Variants in SLC36A2 observed in about 807,000 individuals in gnomAD.
SLC36A2 encodes solute carrier family 36 member 2.
A neutral mutation model predicts 42.7 loss-of-function variants in SLC36A2; 39 were observed. The observed-to-expected ratio is 0.91, with a 90% CI of 0.71 to 1.19. The LOEUF (loss-of-function observed/expected upper bound fraction) is 1.19. Ranked by LOEUF, SLC36A2 falls within the 50% of genes most tolerant of loss-of-function variation. The probability of loss-of-function intolerance (pLI) is 0.00; values close to 1 mark genes in which losing one functional copy is unlikely to be tolerated. For synonymous variants in SLC36A2, 237 were observed against 240.8 expected (o/e 0.98, Z 0.15); for missense variants, 590 against 613.7 (o/e 0.96, Z 0.41).
intron 7 of SLC36A2, among the ~76,000 whole-genome samples, chr5:151,331,496 T>C (rs1755995091): frequency 6.6e-6 from 1 of 151,706 alleles, no homozygotes. Context: ...AAAAATTTTT[T>C]TTTGCAGAGA....
At position 151,323,386 on chromosome 5, in the gene SLC36A2, C is replaced by T. The variant is rs189527579; in HGVS notation, c.1011-1171G>A. Among the ~76,000 whole-genome samples, 29 of 152,294 alleles carry T rather than the reference C, an allele frequency of 1.9e-4. No individual in the cohort carries two copies. The East Asian group carries it at 5.6e-3, about 29-fold the overall frequency. ...TCCTGCTGCCTGGGCACCCTCTTTACTCCATTTCCATCTGTTCAAACCCCT... is the reference window on the plus strand; with the variant it reads ...TCCTGCTGCCTGGGCACCCTCTTTATTCCATTTCCATCTGTTCAAACCCCT... On this transcript the variant is annotated intron_variant, in intron 8 of 9. Transcript: ENST00000335244.
At chr5:151,347,170 C>G in intron 1 of SLC36A2, 127 bp downstream of exon 1, 1 of 1,188,036 alleles carries the variant, frequency 8.4e-7, no homozygotes, top group Non-Finnish European at 1.2e-6. Context: ...CATGACTGCA[C>G]CTTTTGCAAC....
intron 6 of SLC36A2, among the ~76,000 whole-genome samples, chr5:151,334,292 CTT>C (rs893125965): frequency 6.6e-6 from 1 of 152,154 alleles, no homozygotes; most frequent in African/African-American, 2.4e-5. Context: ...GACAATGTAA[CTT>C]TTTTTCTCTT....
chr5:151,335,576 G>A (rs1195189023), intron 5 of SLC36A2, 29 bp from the exon 6 acceptor site: 1 of 1,495,826 alleles, frequency 6.7e-7, no homozygotes, highest in African/African-American at 1.4e-5. Flanking sequence ...AGGCAAAAGG[G>A]GGAGATGATG....
chr5:151,320,943 A>G (rs141824587), intron 9 of SLC36A2, among the ~76,000 whole-genome samples: 1 of 152,148 alleles, frequency 6.6e-6, no homozygotes, highest in Non-Finnish European at 1.5e-5. Flanking sequence ...CTTGAATTCA[A>G]ATCCTACCTC....
In SLC36A2 at chr5:151,333,586, C is replaced by T. The variant is rs538507164; in HGVS notation, c.745-264G>A. Among the ~76,000 whole-genome samples, 24 of 152,216 alleles carry T rather than the reference C, an allele frequency of 1.6e-4. No homozygotes were observed. The South Asian group carries it at 3.5e-3, about 22-fold the overall frequency. On this transcript the variant is annotated intron_variant, in intron 6 of 9. Coordinates refer to ENST00000335244, the MANE Select transcript of SLC36A2 (RefSeq NM_181776.3). Reference sequence around the variant, plus strand: ...GTTTATGAAAAACCTCCAAAAGGGCCGGGTGCAGTGGCTTAACCTGTAATC... The same window carrying T: ...GTTTATGAAAAACCTCCAAAAGGGCTGGGTGCAGTGGCTTAACCTGTAATC...
At chr5:151,333,569 A>G (rs964063454) in intron 6 of SLC36A2, among the ~76,000 whole-genome samples, 8 of 152,184 alleles carry the variant, frequency 5.3e-5, no homozygotes, top group Non-Finnish European at 8.8e-5. Context: ...TGGTTTATGA[A>G]AAACCTCCAA....
chr5:151,344,243 C>A lies in SLC36A2; in HGVS notation c.189G>T (p.Leu63=). Residue 63 remains leucine, a synonymous_variant, in exon 2 of 10, where the codon CTG becomes CTT. Transcript: ENST00000335244. ...TCCCTGTGCCCATGTTGCCTTTCAC[C>A]AGGTGAATCAAGGCCTGGAACACTC... is the stretch of plus-strand genomic sequence containing the variant. ...GITVFQALIH[L]VKGNMGTGIL... The A allele has an allele frequency of 6.2e-7, 1 of 1,614,042 alleles. No individual in the cohort carries two copies. Among genetic ancestry groups the A allele is most frequent in the African/African-American group, 1.3e-5 (1 of 75,034 alleles).
At chr5:151,343,358 C>G (rs1580865880) in intron 3 of SLC36A2, 152 bp downstream of exon 3, 1 of 805,070 alleles carries the variant, frequency 1.2e-6, no homozygotes. Flanking sequence ...AAGAGCCTCA[C>G]CTGAGCTCCC....
chr5:151,344,755 A>G (rs186394841), intron 1 of SLC36A2, among the ~76,000 whole-genome samples: 5 of 152,322 alleles, frequency 3.3e-5, no homozygotes, highest in African/African-American at 9.6e-5. Flanking sequence ...AAACAACCCC[A>G]TATCATAACT....
chr5:151,327,053 G>A (rs1175985802), intron 7 of SLC36A2, among the ~76,000 whole-genome samples: 2 of 152,028 alleles, frequency 1.3e-5, no homozygotes, highest in Non-Finnish European at 1.5e-5. Flanking sequence ...GGGCTCAAGC[G>A]ATCCTCCCAC....
At chr5:151,337,601 A>G (rs1756196951) in intron 5 of SLC36A2, among the ~76,000 whole-genome samples, 1 of 152,324 alleles carries the variant, frequency 6.6e-6, no homozygotes, top group African/African-American at 2.4e-5. Flanking sequence ...CTAAAGAGCA[A>G]TCTGGCAATG....
chr5:151,340,134 GGAAGAA>G (rs1409777033), intron 4 of SLC36A2, among the ~76,000 whole-genome samples: 3 of 127,066 alleles, frequency 2.4e-5, no homozygotes, highest in African/African-American at 9.1e-5. Flanking sequence ...AGAAGGAGGA[GGAAGAA>G]GAGGAGGAGA....
chr5:151,328,561 A>G (rs555054146), intron 7 of SLC36A2, among the ~76,000 whole-genome samples: 13 of 152,308 alleles, frequency 8.5e-5, no homozygotes, highest in African/African-American at 2.4e-4. Flanking sequence ...TCTCCAGGCC[A>G]TGACCTCAAG....
chr5:151,345,867 A>G (rs1343192761), intron 1 of SLC36A2, among the ~76,000 whole-genome samples: 2 of 152,192 alleles, frequency 1.3e-5, no homozygotes, highest in Non-Finnish European at 2.9e-5. Context: ...ACAGCAGCCA[A>G]CACTTACAGA....
chr5:151,347,240 C>T (rs1361611592), intron 1 of SLC36A2, 57 bp downstream of exon 1: 62 of 1,606,642 alleles, frequency 3.9e-5, no homozygotes, highest in Non-Finnish European at 5.0e-5. Flanking sequence ...AGGGTTTTTG[C>T]CAATGCAAGC....
chr5:151,322,312 G>T, intron 8 of SLC36A2, 97 bp from the exon 9 acceptor site: 1 of 1,436,826 alleles, frequency 7.0e-7, no homozygotes, highest in Non-Finnish European at 9.6e-7. Context: ...AATGACTTGG[G>T]CTTTTGTTTC....
rs1383868676 is a variant in SLC36A2 at position 151,316,579 on chromosome 5, A to G, written c.*238T>C. The G allele has an allele frequency of 2.3e-5, 11 of 473,288 alleles. No individual in the cohort carries two copies. Among genetic ancestry groups the G allele is most frequent in the Non-Finnish European group, 4.1e-5 (11 of 267,052 alleles). The allele number at this position is 473,288 out of a possible 1,614,324, so 29.3% of individuals were successfully genotyped here. The stretch of plus-strand genomic sequence containing the variant: ...AACATGGAGAAACCCCGTCTCTACT[A>G]AAAATACAAAATTAGCCAGGCGTGC... On this transcript the variant is annotated 3_prime_UTR_variant, in exon 10 of 10. Transcript: ENST00000335244.
rs56059832 is a variant in SLC36A2, at chr5:151,339,038, C to T, written c.525+22G>A. On this transcript the variant is annotated intron_variant, in intron 5 of 9. Coordinates refer to ENST00000335244, the MANE Select transcript of SLC36A2 (RefSeq NM_181776.3). The stretch of plus-strand genomic sequence containing the variant: ...TGTCCTTGTCCATCTTTTCCCCTCC[C>T]GTTTTCTCTAGAAGCCTCTACCTGT... The T allele has an allele frequency of 1.4e-4, 217 of 1,575,878 alleles. No homozygotes were observed. The Middle Eastern group carries it at 1.5e-3, about 11-fold the overall frequency.
Sources: gnomAD v4.1 joint callset for allele counts (sites outside exome capture counted in the v4.1 genomes callset) on GRCh38, gnomAD v4.1.1 for gene constraint, MANE v1.5 for transcripts, NCBI Gene and HGNC (gene_info 2026-07-23, HGNC 2026-07-21) for gene names.